Variants in SOX6 observed in about 807,000 individuals in gnomAD.
SOX6 encodes the protein SRY-box transcription factor 6.
SOX6 carries 11 observed loss-of-function variants against 97.8 expected under a neutral mutation model. The ratio of observed to expected loss-of-function variants is 0.11; its 90% CI spans 0.07 to 0.19. The LOEUF (loss-of-function observed/expected upper bound fraction) is 0.19. SOX6 is among the 10% of genes least tolerant of loss of function. The pLI is 1.00. For synonymous variants in SOX6, 360 were observed against 371.4 expected, an observed-to-expected ratio of 0.97 and a Z score of 0.35; for missense variants, 810 against 1,039.5, an observed-to-expected ratio of 0.78 and a Z score of 3.04.
chr11:16,097,715 T>C (rs1402347882), intron 7 of SOX6, 27 bp from the exon 8 acceptor site: 1 of 1,588,706 alleles, frequency 6.3e-7, no homozygotes, highest in Non-Finnish European at 8.6e-7. Context: ...TGCATACAGG[T>C]TTAGACAATG....
chr11:15,992,166 C>A (rs1192637594), intron 13 of SOX6, among the ~76,000 whole-genome samples: 1 of 152,126 alleles, frequency 6.6e-6, no homozygotes, highest in South Asian at 2.1e-4. Context: ...GTGCACATTG[C>A]TTTTTTCTGG....
chr11:16,667,519 G>T (rs1271610375), intron 3 of SOX6, among the ~76,000 whole-genome samples: 1 of 150,606 alleles, frequency 6.6e-6, no homozygotes, highest in Non-Finnish European at 1.5e-5. Context: ...AGGAGAGAGT[G>T]GCATGAATTA....
chr11:15,999,120 T>C (rs889193645), intron 13 of SOX6, among the ~76,000 whole-genome samples: 2 of 152,096 alleles, frequency 1.3e-5, no homozygotes, highest in Non-Finnish European at 1.5e-5. Context: ...AAAAAGGATA[T>C]AGTTATGGCC....
chr11:16,420,262 G>A (rs1180315126), intron 1 of SOX6, among the ~76,000 whole-genome samples: 1 of 152,088 alleles, frequency 6.6e-6, no homozygotes, highest in African/African-American at 2.4e-5. Context: ...TTAAAGGGAA[G>A]GTACATTTAT....
intron 3 of SOX6, among the ~76,000 whole-genome samples, chr11:16,695,249 T>A (rs1057328326): frequency 2.0e-5 from 3 of 152,222 alleles, no homozygotes; most frequent in African/African-American, 7.2e-5. Context: ...CTGAGACAGA[T>A]TGCACAAAGG....
chr11:16,445,067 G>A (rs904390377), intron 1 of SOX6, among the ~76,000 whole-genome samples: 1 of 152,188 alleles, frequency 6.6e-6, no homozygotes, highest in African/African-American at 2.4e-5. Context: ...AACCTAAGGT[G>A]TTATAGGGAA....
chr11:16,384,120 T>C (rs1356104142), intron 1 of SOX6, among the ~76,000 whole-genome samples: 1 of 151,974 alleles, frequency 6.6e-6, no homozygotes, highest in Non-Finnish European at 1.5e-5. Context: ...CTCACCCTCA[T>C]ATATATTATA....
intron 3 of SOX6, among the ~76,000 whole-genome samples, chr11:16,296,719 G>T (rs1855102132): frequency 6.6e-6 from 1 of 152,054 alleles, no homozygotes; most frequent in Non-Finnish European, 1.5e-5. Flanking sequence ...ACAGTTATCT[G>T]GGTGGTTTGA....
At chr11:16,126,682 A>G (rs1289517170) in intron 6 of SOX6, among the ~76,000 whole-genome samples, 1 of 152,146 alleles carries the variant, frequency 6.6e-6, no homozygotes, top group Non-Finnish European at 1.5e-5. Flanking sequence ...GGTTAAACCC[A>G]TTTATTGTAT....
chr11:16,190,317 T>G (rs892294330), intron 4 of SOX6, among the ~76,000 whole-genome samples: 2 of 152,116 alleles, frequency 1.3e-5, no homozygotes, highest in Non-Finnish European at 2.9e-5. Context: ...ACTTGAGGAG[T>G]ACATACAGTC....
intron 4 of SOX6, among the ~76,000 whole-genome samples, chr11:16,499,458 C>T (rs1860664307): frequency 6.6e-6 from 1 of 152,102 alleles, no homozygotes; most frequent in East Asian, 1.9e-4. Flanking sequence ...TAACTAAGAT[C>T]AGAGCAGAAC....
At chr11:16,042,906 T>C (rs1167467841) in intron 12 of SOX6, among the ~76,000 whole-genome samples, 3 of 152,098 alleles carry the variant, frequency 2.0e-5, no homozygotes, top group Admixed American at 1.3e-4. Context: ...GCAGTTGTGA[T>C]CAGTAGGTAA....
At chr11:16,279,919 C>T (rs1050814270) in intron 3 of SOX6, among the ~76,000 whole-genome samples, 10 of 152,086 alleles carry the variant, frequency 6.6e-5, no homozygotes, top group Middle Eastern at 3.4e-3. Flanking sequence ...TATTTGGATG[C>T]TATACTCAGA....
intron 9 of SOX6, among the ~76,000 whole-genome samples, chr11:16,059,450 A>G (rs1043817757): frequency 6.6e-6 from 1 of 152,032 alleles, no homozygotes; most frequent in Admixed American, 6.6e-5. Context: ...GTAGGGGAGA[A>G]AAAACAGGTG....
At chr11:16,410,947 T>A (rs1858797279) in intron 1 of SOX6, among the ~76,000 whole-genome samples, 1 of 148,340 alleles carries the variant, frequency 6.7e-6, no homozygotes, top group Admixed American at 6.7e-5. Flanking sequence ...GATACTATCC[T>A]ATGAACAACT....
chr11:16,331,845 C>T (rs548952023), intron 2 of SOX6, among the ~76,000 whole-genome samples: 1 of 152,232 alleles, frequency 6.6e-6, no homozygotes, highest in East Asian at 1.9e-4. Context: ...CTGTGCATTC[C>T]TCTACCTGAA....
intron 2 of SOX6, among the ~76,000 whole-genome samples, chr11:16,722,802 G>T (rs1302314114): frequency 6.6e-6 from 1 of 152,130 alleles, no homozygotes; most frequent in Non-Finnish European, 1.5e-5. Flanking sequence ...AGTCAAAATG[G>T]CTGTTATTAA....
intron 1 of SOX6, among the ~76,000 whole-genome samples, chr11:16,399,933 C>T (rs1858501474): frequency 6.6e-6 from 1 of 151,206 alleles, no homozygotes; most frequent in South Asian, 2.1e-4. Context: ...TTAGCCAGTG[C>T]AAAAATTGGT....
chr11:16,414,957 A>C (rs1312098587), intron 1 of SOX6, among the ~76,000 whole-genome samples: 1 of 152,148 alleles, frequency 6.6e-6, no homozygotes, highest in East Asian at 1.9e-4. Context: ...TGAGAGCTAT[A>C]AATAATGTAT....
Sources: gnomAD v4.1 joint callset for allele counts (sites outside exome capture counted in the v4.1 genomes callset) on GRCh38, gnomAD v4.1.1 for gene constraint, MANE v1.5 for transcripts, NCBI Gene and HGNC (gene_info 2026-07-23, HGNC 2026-07-21) for gene names.